Variants in SRP14 observed in about 807,000 individuals in gnomAD.
The protein encoded by SRP14 is signal recognition particle 14.
SRP14 carries 1 observed loss-of-function variant against 16.0 expected under a neutral mutation model. The ratio of observed to expected loss-of-function variants is 0.06; its 90% CI spans 0.02 to 0.30. The LOEUF (loss-of-function observed/expected upper bound fraction) is 0.30. SRP14 is among the 10% of genes least tolerant of loss of function. The pLI, the probability that SRP14 is intolerant of heterozygous loss-of-function variation, is 1.00. For synonymous variants in SRP14, 67 were observed against 60.1 expected (o/e 1.12, Z -0.53); for missense variants, 120 against 163.1 (o/e 0.74, Z 1.44).
intron 3 of SRP14, chr15:40,037,269 T>TC (rs1838737788): frequency 1.6e-6 from 1 of 623,548 alleles, no homozygotes; most frequent in East Asian, 1.5e-4. Context: ...GGCAGTAGGC[T>TC]CCTTTTGGGG....
chr15:40,037,403 T>C (rs2035644403), intron 3 of SRP14: 2 of 1,168,062 alleles, frequency 1.7e-6, no homozygotes, highest in South Asian at 1.5e-5. Context: ...TATACATTAA[T>C]AGAAGATATA....
Position 40,036,410 on chromosome 15 carries a change from C to CAGG in SRP14, c.333_334insCCT (p.Ala111_Ala112insPro). 2 of 1,613,668 alleles carry CAGG rather than the reference C, an allele frequency of 1.2e-6. No homozygotes were observed. Among genetic ancestry groups the CAGG allele is most frequent in the South Asian group, 2.2e-5 (2 of 90,890 alleles). ...GCTGCGGCAGGTGCTGCTGCTGCTG[C>CAGG]TGCTGCTGCTGCTTTGGTCTTCTTA... is the stretch of plus-strand genomic sequence containing the variant. On this transcript the variant is annotated inframe_insertion, in exon 5 of 5. Coordinates refer to ENST00000267884, the MANE Select transcript of SRP14 (RefSeq NM_003134.6).
intron 3 of SRP14, among the ~76,000 whole-genome samples, chr15:40,037,611 T>G: frequency 2.3e-5 from 1 of 42,648 alleles, no homozygotes; most frequent in South Asian, 6.4e-4. Flanking sequence ...TCAAGATAAC[T>G]TGTCCTTAGG....
At chr15:40,037,394 A>G (rs191293905) in intron 3 of SRP14, 891 of 1,201,470 alleles carry the variant, frequency 7.4e-4, no homozygotes, top group Non-Finnish European at 8.9e-4. Flanking sequence ...TTAATTTTTT[A>G]TACATTAATA....
At chr15:40,037,704 A>G (rs62004113) in intron 3 of SRP14, among the ~76,000 whole-genome samples, 5,668 of 22,292 alleles carry the variant, frequency 0.25, 93 homozygotes, top group Non-Finnish European at 0.4. Flanking sequence ...AAGATAACTC[A>G]AGACTTCCAA....
chr15:40,039,064 T>C (rs1378827791), intron 1 of SRP14, 29 bp downstream of exon 1: 1 of 1,608,864 alleles, frequency 6.2e-7, no homozygotes, highest in South Asian at 1.1e-5. Flanking sequence ...AGCCGCCCCC[T>C]TCCCTCGGCC....
Position 40,039,159 on chromosome 15 carries a change from A to G in SRP14, c.-43T>C, listed in dbSNP as rs569055417. 1 of 1,597,760 alleles carries G rather than the reference A, an allele frequency of 6.3e-7. No individual in the cohort carries two copies. Among genetic ancestry groups the G allele is most frequent in the African/African-American group, 1.3e-5 (1 of 74,758 alleles). On this transcript the variant is annotated 5_prime_UTR_variant, in exon 1 of 5. Transcript: ENST00000267884. ...GACTCCCTCCGCTTAAGCCCCTAGCAGTGAGAGCCGGAAGTTCGGCCTAGG... is the reference window on the plus strand; with the variant it reads ...GACTCCCTCCGCTTAAGCCCCTAGCGGTGAGAGCCGGAAGTTCGGCCTAGG...
chr15:40,038,707 ACTGAGCCAGCTACAATCC>A, intron 2 of SRP14, 151 bp downstream of exon 2: 1 of 713,248 alleles, frequency 1.4e-6, no homozygotes, highest in Non-Finnish European at 2.3e-6. Flanking sequence ...AGTGCTGGGG[ACTGAGCCAGCTACAATCC>A]CTACTATTTT....
chr15:40,038,799 C>G (rs1229650664), intron 2 of SRP14, 77 bp downstream of exon 2: 9 of 1,515,852 alleles, frequency 5.9e-6, no homozygotes, highest in Non-Finnish European at 8.2e-6. Context: ...GGCGGCGGTC[C>G]GCGGCAGACA....
At chr15:40,037,293 A>AAAAAAAAAAAAAAAC in intron 3 of SRP14, 1 of 1,355,272 alleles carries the variant, frequency 7.4e-7, no homozygotes, top group Non-Finnish European at 9.5e-7. Flanking sequence ...AAAAAAAAAA[A>AAAAAAAAAAAAAAAC]AGCTTTGTTT....
intron 3 of SRP14, chr15:40,037,471 A>G: frequency 1.6e-6 from 1 of 637,402 alleles, no homozygotes; most frequent in South Asian, 2.5e-5. Context: ...ATTCAAGCAT[A>G]TTTAAGCACA....
chr15:40,038,678 G>A, intron 2 of SRP14, 198 bp downstream of exon 2: 1 of 638,092 alleles, frequency 1.6e-6, no homozygotes, highest in Non-Finnish European at 2.7e-6. Context: ...ATTGTTACCA[G>A]AAGCAACCTA....
At chr15:40,037,098 G>A in intron 3 of SRP14, 80 bp from the exon 4 acceptor site, 1 of 1,485,022 alleles carries the variant, frequency 6.7e-7, no homozygotes, top group Non-Finnish European at 9.2e-7. Context: ...TATCTCAAAA[G>A]CCTCCGGAAG....
In SRP14 at chr15:40,037,543, CATG is replaced by C. The variant is rs1273974461; in HGVS notation, c.211-528_211-526del. 4.6e-5 allele frequency among the ~76,000 whole-genome samples: 7 copies of C among 151,748 alleles called. No individual in the cohort carries two copies. The East Asian group carries it at 1.2e-3, about 25-fold the overall frequency. On this transcript the variant is annotated intron_variant, in intron 3 of 4. Transcript: ENST00000267884. ...AACACTCCTTAGGTTTTTGTTATTT[CATG>C]ATATCTAACTTAATCTGTAAAACCA...
At chr15:40,038,853 C>A in intron 2 of SRP14, 23 bp downstream of exon 2, 1 of 1,612,586 alleles carries the variant, frequency 6.2e-7, no homozygotes, top group Non-Finnish European at 8.5e-7. Flanking sequence ...GGAGCATCGC[C>A]CGGCTCCCCT....
At position 40,035,842 on chromosome 15, in the gene SRP14, C is replaced by G. The variant is rs1287233195; in HGVS notation, c.*491G>C. On this transcript the variant is annotated 3_prime_UTR_variant, in exon 5 of 5. Coordinates refer to ENST00000267884, the MANE Select transcript of SRP14 (RefSeq NM_003134.6). ...TGAGAACTCATCGAAACTGGGGAAC[C>G]ATGATGATAAAATTATACAGCCAGG... is the stretch of plus-strand genomic sequence containing the variant. 2 of 153,608 alleles carry G rather than the reference C, an allele frequency of 1.3e-5. No individual in the cohort carries two copies. Among genetic ancestry groups the G allele is most frequent in the Non-Finnish European group, 2.9e-5 (2 of 69,114 alleles). The allele number at this position is 153,608 out of a possible 1,614,324, so 9.5% of individuals were successfully genotyped here.
In SRP14 at chr15:40,037,739, C is replaced by T. The variant is rs1595445555; in HGVS notation, c.210+543G>A. On this transcript the variant is annotated intron_variant, in intron 3 of 4. Coordinates refer to ENST00000267884, the MANE Select transcript of SRP14 (RefSeq NM_003134.6). ...ACTAAGTATAGTCTACATTTTCATG[C>T]AGTCAGTATCCTACACTAATGTGAT... Among the ~76,000 whole-genome samples the T allele has an allele frequency of 2.6e-5, 4 of 152,322 alleles. No individual in the cohort carries two copies. In the South Asian group the frequency reaches 8.3e-4, roughly 32 times the overall value.
At position 40,037,110 on chromosome 15, in the gene SRP14, C is replaced by T. The variant is rs66526556; in HGVS notation, c.211-92G>A. On this transcript the variant is annotated intron_variant, in intron 3 of 4. Transcript: ENST00000267884. The stretch of plus-strand genomic sequence containing the variant: ...TAGTATCTCAAAAGCCTCCGGAAGA[C>T]AATATCCTTATCTTTAAAATACTTC... The T allele has an allele frequency of 4.7e-3, 6,654 of 1,426,912 alleles. 17 individuals carry two copies. Among genetic ancestry groups the T allele is most frequent in the South Asian group, 9.9e-3 (738 of 74,728 alleles). 88.4% of individuals were successfully genotyped at this position (1,426,912 alleles called of 1,614,324 possible). A position where few individuals can be genotyped will look rare whatever the true frequency, so the allele number is the denominator to read the frequency against.
intron 1 of SRP14, 64 bp from the exon 2 acceptor site, chr15:40,039,012 C>T: frequency 1.2e-6 from 2 of 1,605,294 alleles, no homozygotes. Context: ...GCGTCAAGGC[C>T]CTGGTCCTCC....
Sources: gnomAD v4.1 joint callset for allele counts (sites outside exome capture counted in the v4.1 genomes callset) on GRCh38, gnomAD v4.1.1 for gene constraint, MANE v1.5 for transcripts, NCBI Gene and HGNC (gene_info 2026-07-23, HGNC 2026-07-21) for gene names.